Variants in OTOGL observed in about 807,000 individuals in gnomAD.
The protein encoded by OTOGL is otogelin like, also known as otogelin-like protein.
Under a neutral mutation model 318.5 loss-of-function variants are expected in OTOGL, and 285 were observed. The ratio of observed to expected loss-of-function variants is 0.89; its 90% CI spans 0.81 to 0.99. The LOEUF (loss-of-function observed/expected upper bound fraction) is 0.99, where lower values mean the gene tolerates loss of function less well. Ranked by LOEUF, OTOGL falls within the 50% of genes least tolerant of loss-of-function variation. The pLI is 0.00. For missense variants in OTOGL, 2,899 were observed against 2,845.6 expected, an observed-to-expected ratio of 1.02 and a Z score of -0.43; for synonymous variants, 987 against 936.5, an observed-to-expected ratio of 1.05 and a Z score of -0.99.
intron 1 of OTOGL, among the ~76,000 whole-genome samples, chr12:80,130,157 AT>A: frequency 6.6e-6 from 1 of 151,858 alleles, no homozygotes; most frequent in East Asian, 1.9e-4. Flanking sequence ...ACTACTGCCA[AT>A]TTTTTCCCCA....
At chr12:80,139,707 A>C (rs1871805765) in intron 1 of OTOGL, among the ~76,000 whole-genome samples, 2 of 152,192 alleles carry the variant, frequency 1.3e-5, no homozygotes, top group Non-Finnish European at 2.9e-5. Flanking sequence ...TGCTTATCAT[A>C]GTGCCTTAAA....
chr12:80,172,603 T>C, intron 1 of OTOGL, among the ~76,000 whole-genome samples: 1 of 149,994 alleles, frequency 6.7e-6, no homozygotes, highest in South Asian at 2.1e-4. Context: ...GATTTTTTTC[T>C]ATGTTTTTTT....
At chr12:80,167,171 C>T (rs913480290) in intron 1 of OTOGL, among the ~76,000 whole-genome samples, 1 of 152,044 alleles carries the variant, frequency 6.6e-6, no homozygotes, top group African/African-American at 2.4e-5. Context: ...TCCCTGGGAA[C>T]AGTCACGGAG....
rs543227275 is a variant in OTOGL, at chr12:80,323,606, G to A, written c.4082-117G>A. The A allele has an allele frequency of 8.7e-5, 65 of 747,306 alleles. No homozygotes were observed. In the Middle Eastern group the frequency reaches 1.0e-3, roughly 12 times the overall value. 46.3% of individuals were successfully genotyped at this position (747,306 alleles called of 1,614,324 possible). On this transcript the variant is annotated intron_variant, in intron 34 of 58. Coordinates refer to ENST00000547103, the MANE Select transcript of OTOGL (RefSeq NM_001378609.3). ...AGAGGTTGTGGTGAATCGAAATAGT[G>A]CCACTGCGCTCGAGCCTGAGTGACA...
intron 19 of OTOGL, among the ~76,000 whole-genome samples, chr12:80,263,812 T>C (rs1882738435): frequency 6.6e-6 from 1 of 152,118 alleles, no homozygotes; most frequent in Admixed American, 6.6e-5. Flanking sequence ...GGATCTTCTT[T>C]AGTTATCCTT....
Position 80,241,255 on chromosome 12 carries a change from T to C in OTOGL, c.1052+1816T>C, listed in dbSNP as rs969784524. ...AAAATAAGCTTATTTGTGACATCTCTTACTTTTGAATAGAGTGCAGTTATA... is the reference window on the plus strand; with the variant it reads ...AAAATAAGCTTATTTGTGACATCTCCTACTTTTGAATAGAGTGCAGTTATA... On this transcript the variant is annotated intron_variant, in intron 11 of 58. Coordinates refer to ENST00000547103, the MANE Select transcript of OTOGL (RefSeq NM_001378609.3). Among the ~76,000 whole-genome samples, 35 of 152,240 alleles carry C rather than the reference T, an allele frequency of 2.3e-4. 1 individual carries two copies. Among genetic ancestry groups the C allele is most frequent in the South Asian group, 8.3e-4 (4 of 4,818 alleles).
Position 80,336,788 on chromosome 12 carries a change from T to C in OTOGL, c.4744-9T>C, listed in dbSNP as rs777301464. 3.3e-6 allele frequency: 5 copies of C among 1,515,742 alleles called. No individual in the cohort carries two copies. Among genetic ancestry groups the C allele is most frequent in the Admixed American group, 4.1e-5 (2 of 49,282 alleles). The allele number at this position is 1,515,742 out of a possible 1,614,324, so 93.9% of individuals were successfully genotyped here. A position where few individuals can be genotyped will look rare whatever the true frequency, so the allele number is the denominator to read the frequency against. On this transcript the variant is annotated splice_polypyrimidine_tract_variant and intron_variant, in intron 40 of 58. Coordinates refer to ENST00000547103, the MANE Select transcript of OTOGL (RefSeq NM_001378609.3). The stretch of plus-strand genomic sequence containing the variant: ...ATGCATTTAAAAGTATTTCTTTTTT[T>C]TTTTCCAGAATGGAAACTCCTTAAA...
chr12:80,370,818 A>T, intron 56 of OTOGL, 129 bp downstream of exon 56: 3 of 670,996 alleles, frequency 4.5e-6, no homozygotes, highest in Non-Finnish European at 4.3e-6. Context: ...TCATGAATGA[A>T]TAAAAGCTCT....
At chr12:80,331,333 ATTTTTT>A (rs386377119) in intron 37 of OTOGL, among the ~76,000 whole-genome samples, 4 of 81,816 alleles carry the variant, frequency 4.9e-5, no homozygotes, top group Admixed American at 1.8e-4. Context: ...AGTCATTAGA[ATTTTTT>A]TTTTTTTTTT....
intron 57 of OTOGL, among the ~76,000 whole-genome samples, chr12:80,375,785 C>T (rs17041709): frequency 0.09 from 13,611 of 151,990 alleles, 674 homozygotes; most frequent in East Asian, 0.17. Context: ...TATTCTTGAA[C>T]TTACGTAAGA....
intron 1 of OTOGL, chr12:80,131,816 G>T (rs1453005545): frequency 6.6e-6 from 1 of 152,074 alleles, no homozygotes; most frequent in Non-Finnish European, 1.5e-5. Context: ...AGTACTATTG[G>T]CTAGAGAAGT....
intron 51 of OTOGL, 31 bp from the exon 52 acceptor site, chr12:80,358,829 C>T: frequency 6.5e-7 from 1 of 1,537,710 alleles, no homozygotes. Flanking sequence ...TTATTTTGAT[C>T]AATGTAAATA....
chr12:80,114,565 C>G (rs1870043992), intron 1 of OTOGL, among the ~76,000 whole-genome samples: 1 of 152,116 alleles, frequency 6.6e-6, no homozygotes, highest in Admixed American at 6.5e-5. Flanking sequence ...CCATTTCAAC[C>G]TTGGTGAATC....
intron 1 of OTOGL, among the ~76,000 whole-genome samples, chr12:80,135,277 C>T (rs182331753): frequency 0.018 from 1,237 of 69,400 alleles, 11 homozygotes; most frequent in East Asian, 0.021. Context: ...CCCCTCCCCT[C>T]CCCTTCCCTT....
chr12:80,108,770 C>A (rs201539149), intron 1 of OTOGL, among the ~76,000 whole-genome samples: 1 of 83,952 alleles, frequency 1.2e-5, no homozygotes. Flanking sequence ...TATATATACA[C>A]GTATATATAT....
At chr12:80,107,658 A>T (rs1869535822) in intron 1 of OTOGL, among the ~76,000 whole-genome samples, 1 of 152,156 alleles carries the variant, frequency 6.6e-6, no homozygotes, top group African/African-American at 2.4e-5. Context: ...ACATACGTTC[A>T]TTGCAGCGCT....
intron 1 of OTOGL, among the ~76,000 whole-genome samples, chr12:80,161,560 C>T (rs888621517): frequency 3.3e-5 from 5 of 151,654 alleles, no homozygotes; most frequent in South Asian, 2.1e-4. Flanking sequence ...GTTGGTGGTA[C>T]GGCAAATAAA....
At chr12:80,277,161 TA>T (rs1021663855) in intron 24 of OTOGL, among the ~76,000 whole-genome samples, 56 of 147,554 alleles carry the variant, frequency 3.8e-4, no homozygotes, top group African/African-American at 1.1e-3. Flanking sequence ...TAATTCATAA[TA>T]AAAAATTATT....
At chr12:80,157,809 A>C (rs1196280804) in intron 1 of OTOGL, among the ~76,000 whole-genome samples, 1 of 151,724 alleles carries the variant, frequency 6.6e-6, no homozygotes, top group African/African-American at 2.4e-5. Flanking sequence ...TAAGGGTGAC[A>C]GTGGTTTCTT....
Sources: gnomAD v4.1 joint callset for allele counts (sites outside exome capture counted in the v4.1 genomes callset) on GRCh38, gnomAD v4.1.1 for gene constraint, MANE v1.5 for transcripts, NCBI Gene and HGNC (gene_info 2026-07-23, HGNC 2026-07-21) for gene names.